The following CLASP2 variants were observed in gnomAD, a reference collection of about 807,000 sequenced individuals.
CLASP2 encodes the protein cytoplasmic linker associated protein 2, also known as CLIP-associating protein 2.
A neutral mutation model predicts 194.4 loss-of-function variants in CLASP2; 47 were observed. That is an observed-to-expected ratio of 0.24 (90% CI 0.19 to 0.31). The LOEUF is 0.31. Among genes scored for constraint, CLASP2 ranks in the 10% least tolerant of loss-of-function variants. CLASP2 has a pLI of 1.00. For synonymous variants in CLASP2, 619 were observed against 633.5 expected (o/e 0.98, Z 0.34); for missense variants, 1,445 against 1,823.6 (o/e 0.79, Z 3.78).
At chr3:33,525,929 G>A (rs1434396719) in intron 34 of CLASP2, among the ~76,000 whole-genome samples, 3 of 152,312 alleles carry the variant, frequency 2.0e-5, no homozygotes, top group African/African-American at 7.2e-5. Context: ...AGCTCCCAGC[G>A]GGAGGGGCAG....
At chr3:33,659,131 GCACCGCAATAGCCAACAGCTGCTA>G (rs2084845720) in intron 7 of CLASP2, 1 of 1,423,636 alleles carries the variant, frequency 7.0e-7, no homozygotes, top group Admixed American at 2.9e-5. Context: ...CTGCAGCTCT[GCACCGCAATAGCCAACAGCTGCTA>G]CTCCACTTCA....
At chr3:33,581,015 C>CAAAAAAAAAAAAA (rs34304858) in intron 23 of CLASP2, among the ~76,000 whole-genome samples, 20 of 57,070 alleles carry the variant, frequency 3.5e-4, no homozygotes, top group East Asian at 1.1e-3. Flanking sequence ...GACTCCGTCT[C>CAAAAAAAAAAAAA]AAAAAAAAAA....
chr3:33,689,382 T>A (rs1007562361), intron 3 of CLASP2, among the ~76,000 whole-genome samples: 13 of 144,108 alleles, frequency 9.0e-5, no homozygotes, highest in Admixed American at 2.8e-4. Flanking sequence ...CCACAATATT[T>A]AAAAAAAAAA....
intron 13 of CLASP2, 32 bp from the exon 14 acceptor site, chr3:33,608,658 G>A (rs771043714): frequency 7.0e-7 from 1 of 1,438,734 alleles, no homozygotes; most frequent in South Asian, 1.2e-5. Context: ...ATAACTAAAT[G>A]TTGTATTGAG....
intron 29 of CLASP2, among the ~76,000 whole-genome samples, chr3:33,557,930 T>C (rs759560451): frequency 7.2e-5 from 11 of 152,350 alleles, no homozygotes; most frequent in African/African-American, 2.6e-4. Context: ...AGCTGCAAGA[T>C]AGAAGGCTAC....
chr3:33,604,294 G>T (rs556631147), intron 16 of CLASP2, 85 bp from the exon 17 acceptor site: 4 of 886,420 alleles, frequency 4.5e-6, no homozygotes, highest in Non-Finnish European at 7.1e-6. Flanking sequence ...TGAATTTTGT[G>T]GAAAGTTGAG....
At chr3:33,611,975 C>G in intron 13 of CLASP2, 26 bp downstream of exon 13, 1 of 1,531,744 alleles carries the variant, frequency 6.5e-7, no homozygotes, top group Non-Finnish European at 9.0e-7. Flanking sequence ...ATACTAACAA[C>G]AACAACAACA....
Position 33,612,083 on chromosome 3 carries a change from G to A in CLASP2, c.1318-12C>T. On this transcript the variant is annotated splice_polypyrimidine_tract_variant and intron_variant, in intron 12 of 38. Transcript: ENST00000682230. ...GGTACATGAGTATGCTGAAAAAGATGTTTTAGAAAAGGTTGAAAATACTAC... is the reference window on the plus strand; with the variant it reads ...GGTACATGAGTATGCTGAAAAAGATATTTTAGAAAAGGTTGAAAATACTAC... 1 of 1,576,980 alleles carries A rather than the reference G, an allele frequency of 6.3e-7. No individual in the cohort carries two copies. The highest frequency in any genetic ancestry group is 8.7e-7 in the Non-Finnish European group (1 of 1,150,216).
chr3:33,648,117 A>G (rs2082587435), intron 7 of CLASP2, among the ~76,000 whole-genome samples: 1 of 152,182 alleles, frequency 6.6e-6, no homozygotes, highest in Non-Finnish European at 1.5e-5. Flanking sequence ...AGAGATACAA[A>G]AAGAAAAATA....
rs937390194 is a variant in CLASP2 at position 33,559,249 on chromosome 3, C to A, written c.3009+58G>T. 6 of 1,058,734 alleles carry A rather than the reference C, an allele frequency of 5.7e-6. No individual in the cohort carries two copies. The African/African-American group carries it at 9.5e-5, about 17-fold the overall frequency. 65.6% of individuals were successfully genotyped at this position (1,058,734 alleles called of 1,614,324 possible). On this transcript the variant is annotated intron_variant, in intron 29 of 38. Transcript: ENST00000682230. ...GACAGAAATACAAATATCAACATAA[C>A]TTTATTAATAAATACTTCAATTCTT...
intron 5 of CLASP2, among the ~76,000 whole-genome samples, chr3:33,685,215 C>T (rs1486258095): frequency 7.8e-5 from 11 of 141,434 alleles, no homozygotes; most frequent in Admixed American, 7.8e-4. Context: ...GGTGGCACAT[C>T]CCTGTAATCC....
At chr3:33,659,190 A>G (rs1181502284) in intron 7 of CLASP2, 1 of 1,370,080 alleles carries the variant, frequency 7.3e-7, no homozygotes, top group East Asian at 2.6e-5. Flanking sequence ...GGTCTTGCTG[A>G]AAACCCTCGT....
At chr3:33,582,916 G>A (rs1200831655) in intron 22 of CLASP2, among the ~76,000 whole-genome samples, 2 of 152,102 alleles carry the variant, frequency 1.3e-5, no homozygotes, top group Non-Finnish European at 2.9e-5. Context: ...GCTAGGAACA[G>A]TAATTCAGTC....
At chr3:33,550,239 T>TA (rs1204184209) in intron 30 of CLASP2, among the ~76,000 whole-genome samples, 5 of 150,812 alleles carry the variant, frequency 3.3e-5, no homozygotes, top group African/African-American at 1.2e-4. Flanking sequence ...ACCCCAAAAA[T>TA]ATAAAAATTA....
chr3:33,510,911 C>T (rs991031694), intron 36 of CLASP2, 147 bp from the exon 37 acceptor site: 12 of 737,574 alleles, frequency 1.6e-5, no homozygotes, highest in African/African-American at 1.6e-4. Context: ...AGTGAGGGTA[C>T]AGATTACTGA....
In CLASP2 at chr3:33,617,953, T is replaced by TA. The variant is rs1559402199; in HGVS notation, c.1317+1649_1317+1650insT. Among the ~76,000 whole-genome samples, 249 of 79,512 alleles carry TA rather than the reference T, an allele frequency of 3.1e-3. 1 individual carries two copies. The highest frequency in any genetic ancestry group is 3.5e-3 in the African/African-American group (53 of 15,286). The allele number at this position is 79,512 out of a possible 152,430, so 52.2% of individuals were successfully genotyped here. Reference sequence around the variant, plus strand: ...TATTATTATATATATATATATATATTTTTTTTTTTTTTGAGATGGAGTTTC... The same window carrying TA: ...TATTATTATATATATATATATATATTATTTTTTTTTTTTGAGATGGAGTTTC... On this transcript the variant is annotated intron_variant, in intron 12 of 38. Coordinates refer to ENST00000682230, the MANE Select transcript of CLASP2 (RefSeq NM_001365631.1).
chr3:33,644,515 C>A, intron 8 of CLASP2: 4 of 421,114 alleles, frequency 9.5e-6, no homozygotes, highest in Non-Finnish European at 4.3e-6. Context: ...TTCAAAATGG[C>A]ATCTGAAAAA....
chr3:33,642,905 GGAGGAA>G (rs1224639434), intron 8 of CLASP2, among the ~76,000 whole-genome samples: 2 of 151,486 alleles, frequency 1.3e-5, no homozygotes, highest in Non-Finnish European at 3.0e-5. Context: ...AGAAAAAGGA[GGAGGAA>G]GAGGAAGAGA....
At chr3:33,612,304 A>C (rs1202529973) in intron 12 of CLASP2, among the ~76,000 whole-genome samples, 1 of 152,226 alleles carries the variant, frequency 6.6e-6, no homozygotes, top group Non-Finnish European at 1.5e-5. Flanking sequence ...AACAAAGAAA[A>C]GTTAACTGTT....
Sources: gnomAD v4.1 joint callset for allele counts (sites outside exome capture counted in the v4.1 genomes callset) on GRCh38, gnomAD v4.1.1 for gene constraint, MANE v1.5 for transcripts, NCBI Gene and HGNC (gene_info 2026-07-23, HGNC 2026-07-21) for gene names.